Variants in LPAR1 observed in about 807,000 individuals in gnomAD.
LPAR1 encodes LPA receptor 1.
In LPAR1, 5 loss-of-function variants were observed where a neutral mutation model predicts 23.8. The ratio of observed to expected loss-of-function variants is 0.21; its 90% CI spans 0.11 to 0.44. The LOEUF is 0.44. LPAR1 is among the 20% of genes least tolerant of loss of function. LPAR1 has a pLI of 0.99. For missense variants in LPAR1, 311 were observed against 482.8 expected (o/e 0.64, Z 3.33); for synonymous variants, 160 against 164.7 (o/e 0.97, Z 0.22).
At chr9:110,899,003 T>A (rs2087602885) in intron 5 of LPAR1, among the ~76,000 whole-genome samples, 3 of 152,200 alleles carry the variant, frequency 2.0e-5, no homozygotes. Flanking sequence ...TCCCCTTAGG[T>A]TCCTTGGACA....
At chr9:110,987,135 T>G (rs1019442591) in intron 2 of LPAR1, among the ~76,000 whole-genome samples, 1 of 151,840 alleles carries the variant, frequency 6.6e-6, no homozygotes, top group Non-Finnish European at 1.5e-5. Context: ...ATGGGAAAAA[T>G]ATAAAGGACA....
intron 2 of LPAR1, among the ~76,000 whole-genome samples, chr9:111,029,888 C>CA (rs35854511): frequency 6.6e-6 from 1 of 151,264 alleles, no homozygotes; most frequent in Non-Finnish European, 1.5e-5. Context: ...CCATCTCTAC[C>CA]AAAAAATACA....
intron 4 of LPAR1, among the ~76,000 whole-genome samples, chr9:110,943,436 A>G (rs2095248882): frequency 6.6e-6 from 1 of 152,174 alleles, no homozygotes. Flanking sequence ...TTAAGTGGTT[A>G]GTCTTCTGAC....
At chr9:110,998,303 A>G (rs2097058940) in intron 2 of LPAR1, among the ~76,000 whole-genome samples, 2 of 152,244 alleles carry the variant, frequency 1.3e-5, no homozygotes, top group Admixed American at 1.3e-4. Context: ...AGTGCTTTTA[A>G]TACCTGGCAG....
At chr9:110,981,572 G>C (rs1165326328) in intron 2 of LPAR1, among the ~76,000 whole-genome samples, 1 of 136,390 alleles carries the variant, frequency 7.3e-6, no homozygotes, top group East Asian at 2.0e-4. Flanking sequence ...TTACAAGTTT[G>C]ATTTTAAAAT....
At chr9:110,892,824 G>T (rs1208126729) in intron 5 of LPAR1, among the ~76,000 whole-genome samples, 2 of 95,568 alleles carry the variant, frequency 2.1e-5, no homozygotes, top group Non-Finnish European at 4.1e-5. Context: ...AAGGAAGGAA[G>T]GAAGGCAGGC....
In LPAR1 at chr9:110,941,278, A is replaced by T. The variant is rs1424507521; in HGVS notation, c.793+143T>A. On this transcript the variant is annotated intron_variant, in intron 5 of 5. Transcript: ENST00000683809. The surrounding 1 kb of genome is among the most constrained non-coding windows in gnomAD (Gnocchi z 6.1). Reference sequence around the variant, plus strand: ...GAAGACTCATAAGCTGACATTTAATATAAAGGTGCCTCATCCCCTTGTAAT... The same window carrying T: ...GAAGACTCATAAGCTGACATTTAATTTAAAGGTGCCTCATCCCCTTGTAAT... 6 of 726,344 alleles carry T rather than the reference A, an allele frequency of 8.3e-6. No homozygotes were observed. The highest frequency in any genetic ancestry group is 1.4e-5 in the Non-Finnish European group (6 of 438,458). The allele number at this position is 726,344 out of a possible 1,614,324, so 45.0% of individuals were successfully genotyped here. A position where few individuals can be genotyped will look rare whatever the true frequency, so the allele number is the denominator to read the frequency against.
In LPAR1 at chr9:111,018,867, T is replaced by C. The variant is rs148900892; in HGVS notation, c.-182+17255A>G. Reference sequence around the variant, plus strand: ...ACAGCAAGTACAAAGGAAATAAAACTGTGTAAAAATAGGGCAATGGTTGAA... The same window carrying C: ...ACAGCAAGTACAAAGGAAATAAAACCGTGTAAAAATAGGGCAATGGTTGAA... On this transcript the variant is annotated intron_variant, in intron 2 of 5. Coordinates refer to ENST00000683809, the MANE Select transcript of LPAR1 (RefSeq NM_001351411.2). Among the ~76,000 whole-genome samples the C allele has an allele frequency of 4.0e-3, 607 of 152,298 alleles. 6 individuals are homozygous for C. The highest frequency in any genetic ancestry group is 0.014 in the African/African-American group (569 of 41,570).
In LPAR1 at chr9:111,038,398, G is replaced by C. The variant is rs1457267640; in HGVS notation, c.-493C>G. The C allele has an allele frequency of 1.8e-5, 5 of 270,862 alleles. No homozygotes were observed. The highest frequency in any genetic ancestry group is 3.6e-5 in the Non-Finnish European group (5 of 137,888). 16.8% of individuals were successfully genotyped at this position (270,862 alleles called of 1,614,324 possible). A position where few individuals can be genotyped will look rare whatever the true frequency, so the allele number is the denominator to read the frequency against. On this transcript the variant is annotated 5_prime_UTR_variant, in exon 1 of 6. Coordinates refer to ENST00000683809, the MANE Select transcript of LPAR1 (RefSeq NM_001351411.2). The surrounding 1 kb of genome is among the most constrained non-coding windows in gnomAD (Gnocchi z 4.4). Reference sequence around the variant, plus strand: ...TCCGGGCCCTGGCCGCCCCAGATCCGGCCCGCGCTCCGCAGCGGGGCTGGA... The same window carrying C: ...TCCGGGCCCTGGCCGCCCCAGATCCCGCCCGCGCTCCGCAGCGGGGCTGGA...
At chr9:110,952,309 G>T (rs1041274522) in intron 4 of LPAR1, among the ~76,000 whole-genome samples, 1 of 152,082 alleles carries the variant, frequency 6.6e-6, no homozygotes, top group African/African-American at 2.4e-5. Flanking sequence ...ACCCAAAAGG[G>T]CCCTGAAACT....
At chr9:110,936,022 T>C (rs2094687072) in intron 5 of LPAR1, among the ~76,000 whole-genome samples, 1 of 152,174 alleles carries the variant, frequency 6.6e-6, no homozygotes, top group African/African-American at 2.4e-5. Flanking sequence ...CACCCAATGC[T>C]ACAGTGAGGC....
At chr9:111,017,220 C>T (rs1490366124) in intron 2 of LPAR1, among the ~76,000 whole-genome samples, 2 of 152,142 alleles carry the variant, frequency 1.3e-5, no homozygotes, top group Non-Finnish European at 2.9e-5. Flanking sequence ...TGCTTAAATT[C>T]ACACTCACTT....
chr9:110,943,418 T>A (rs2095248110), intron 4 of LPAR1, among the ~76,000 whole-genome samples: 1 of 152,120 alleles, frequency 6.6e-6, no homozygotes, highest in African/African-American at 2.4e-5. Flanking sequence ...AAGAACAACG[T>A]GAAATACTTA....
chr9:110,916,931 T>C (rs2093178290), intron 5 of LPAR1, among the ~76,000 whole-genome samples: 1 of 151,770 alleles, frequency 6.6e-6, no homozygotes, highest in South Asian at 2.1e-4. Context: ...TTAAGGTTGT[T>C]GAGGGCAGAT....
intron 5 of LPAR1, among the ~76,000 whole-genome samples, chr9:110,915,062 G>A (rs1031352337): frequency 6.6e-6 from 1 of 152,122 alleles, no homozygotes; most frequent in African/African-American, 2.4e-5. Flanking sequence ...CATTTAAGAT[G>A]CAGACATTGT....
chr9:110,980,026 AAGG>A (rs1346374762), intron 2 of LPAR1, among the ~76,000 whole-genome samples: 10 of 152,078 alleles, frequency 6.6e-5, no homozygotes, highest in Admixed American at 2.0e-4. Flanking sequence ...AGAAGAGGAA[AAGG>A]ATTCATAGAA....
intron 5 of LPAR1, among the ~76,000 whole-genome samples, chr9:110,908,841 G>A (rs564514947): frequency 3.9e-5 from 6 of 152,300 alleles, no homozygotes; most frequent in East Asian, 3.9e-4. Context: ...GAAGGGACAC[G>A]AGAACTACCA....
At chr9:110,959,142 A>G (rs1188016644) in intron 4 of LPAR1, among the ~76,000 whole-genome samples, 1 of 149,798 alleles carries the variant, frequency 6.7e-6, no homozygotes, top group Non-Finnish European at 1.5e-5. Flanking sequence ...AGTGACTATT[A>G]AAAAAAAACA....
intron 5 of LPAR1, among the ~76,000 whole-genome samples, chr9:110,888,788 C>T (rs2083163971): frequency 6.6e-6 from 1 of 152,104 alleles, no homozygotes; most frequent in African/African-American, 2.4e-5. Flanking sequence ...AGATCATAGA[C>T]ACATTTTGAC....
Sources: allele counts gnomAD v4.1 joint callset (sites outside exome capture counted in the v4.1 genomes callset), GRCh38; gene constraint gnomAD v4.1.1; non-coding constraint Gnocchi (gnomAD v3.1); transcripts MANE v1.5; gene names NCBI Gene and HGNC (gene_info 2026-07-23, HGNC 2026-07-21).